Variants in ARHGAP22 observed in about 807,000 individuals in gnomAD.
ARHGAP22 encodes the protein rho GTPase-activating protein 22.
Under a neutral mutation model 59.1 loss-of-function variants are expected in ARHGAP22, and 48 were observed. The ratio of observed to expected loss-of-function variants is 0.81; its 90% confidence interval spans 0.64 to 1.03. The LOEUF is 1.03. ARHGAP22 is among the 50% of genes least tolerant of loss of function. The pLI, the probability that ARHGAP22 is intolerant of heterozygous loss-of-function variation, is 0.00. For synonymous variants in ARHGAP22, 445 were observed against 416.4 expected (o/e 1.07, Z -0.84); for missense variants, 1,015 against 958.7 (o/e 1.06, Z -0.78).
At chr10:48,551,894 G>A (rs1419418529) in intron 3 of ARHGAP22, among the ~76,000 whole-genome samples, 3 of 152,210 alleles carry the variant, frequency 2.0e-5, no homozygotes, top group Admixed American at 2.0e-4. Context: ...CTGTGTTGGA[G>A]GGCAATTTTA....
intron 4 of ARHGAP22, among the ~76,000 whole-genome samples, chr10:48,471,195 A>G (rs912398441): frequency 1.3e-5 from 2 of 152,122 alleles, no homozygotes; most frequent in Non-Finnish European, 2.9e-5. Context: ...GAGGCCTGTG[A>G]GATTCCCACA....
chr10:48,551,594 G>A (rs2056896749), intron 3 of ARHGAP22, among the ~76,000 whole-genome samples: 1 of 152,216 alleles, frequency 6.6e-6, no homozygotes, highest in South Asian at 2.1e-4. Context: ...CAGCTTCAGG[G>A]AGGAGACCGT....
intron 1 of ARHGAP22, among the ~76,000 whole-genome samples, chr10:48,584,420 C>T (rs2059298310): frequency 6.6e-6 from 1 of 152,218 alleles, no homozygotes; most frequent in African/African-American, 2.4e-5. Context: ...AGGACACTTC[C>T]TCCATGGAGG....
At chr10:48,603,704 G>A (rs1238452738) in intron 1 of ARHGAP22, among the ~76,000 whole-genome samples, 1 of 152,184 alleles carries the variant, frequency 6.6e-6, no homozygotes, top group Non-Finnish European at 1.5e-5. Flanking sequence ...GCCCATTGGG[G>A]TACACAGGGT....
chr10:48,453,452 C>T (rs1174447786), intron 7 of ARHGAP22, 27 bp from the exon 8 acceptor site: 50 of 1,612,174 alleles, frequency 3.1e-5, no homozygotes, highest in Non-Finnish European at 3.5e-5. Context: ...CAGCAGTCAT[C>T]AAAGAAGCAA....
At chr10:48,539,567 A>G (rs1308990705) in intron 3 of ARHGAP22, among the ~76,000 whole-genome samples, 1 of 152,100 alleles carries the variant, frequency 6.6e-6, no homozygotes, top group Non-Finnish European at 1.5e-5. Context: ...CTGGGATTAC[A>G]GGCGTGAGCC....
intron 5 of ARHGAP22, among the ~76,000 whole-genome samples, chr10:48,456,304 G>T (rs1312545125): frequency 6.6e-6 from 1 of 152,176 alleles, no homozygotes; most frequent in Non-Finnish European, 1.5e-5. Flanking sequence ...TGACATTTGG[G>T]ATTCTGGGGT....
chr10:48,490,129 C>G (rs1411237823), intron 3 of ARHGAP22, among the ~76,000 whole-genome samples: 1 of 152,164 alleles, frequency 6.6e-6, no homozygotes, highest in East Asian at 1.9e-4. Flanking sequence ...CCCCAACTGT[C>G]AGACTCATGC....
At chr10:48,469,481 C>T (rs776317569) in intron 4 of ARHGAP22, among the ~76,000 whole-genome samples, 5 of 152,252 alleles carry the variant, frequency 3.3e-5, no homozygotes, top group Non-Finnish European at 7.3e-5. Flanking sequence ...TGTACAACAG[C>T]TCCCTGGCTA....
At chr10:48,648,717 A>G (rs2062419483) in intron 1 of ARHGAP22, among the ~76,000 whole-genome samples, 1 of 152,244 alleles carries the variant, frequency 6.6e-6, no homozygotes, top group Non-Finnish European at 1.5e-5. Flanking sequence ...TGGGCAGATC[A>G]TGCAAACATC....
At chr10:48,539,728 T>A (rs1214277878) in intron 3 of ARHGAP22, among the ~76,000 whole-genome samples, 2 of 152,250 alleles carry the variant, frequency 1.3e-5, no homozygotes, top group Non-Finnish European at 2.9e-5. Context: ...ATAGAAAATA[T>A]TGATAATCAG....
intron 3 of ARHGAP22, among the ~76,000 whole-genome samples, chr10:48,502,422 T>C (rs138836498): frequency 6.6e-6 from 1 of 152,316 alleles, no homozygotes; most frequent in African/African-American, 2.4e-5. Context: ...CCATTGAGAA[T>C]CTTACATCAT....
intron 3 of ARHGAP22, among the ~76,000 whole-genome samples, chr10:48,492,425 G>A (rs995043677): frequency 2.6e-5 from 4 of 152,210 alleles, no homozygotes; most frequent in African/African-American, 7.2e-5. Context: ...AGATGCAGCC[G>A]TCTAGAGCAG....
intron 1 of ARHGAP22, among the ~76,000 whole-genome samples, chr10:48,642,819 A>G (rs1424996824): frequency 2.0e-5 from 3 of 152,246 alleles, no homozygotes; most frequent in African/African-American, 4.8e-5. Flanking sequence ...GAATGGGAGA[A>G]AATTTTTACA....
At chr10:48,464,800 T>C (rs1241074134) in intron 4 of ARHGAP22, among the ~76,000 whole-genome samples, 1 of 152,064 alleles carries the variant, frequency 6.6e-6, no homozygotes, top group Non-Finnish European at 1.5e-5. Flanking sequence ...GGATCACACC[T>C]GTCTTTAGGG....
At chr10:48,532,143 C>T (rs575191446) in intron 3 of ARHGAP22, among the ~76,000 whole-genome samples, 1 of 152,188 alleles carries the variant, frequency 6.6e-6, no homozygotes, top group Non-Finnish European at 1.5e-5. Context: ...CAGATCCAAT[C>T]TACAGGTGAG....
intron 5 of ARHGAP22, among the ~76,000 whole-genome samples, chr10:48,456,481 G>T (rs978121017): frequency 6.6e-6 from 1 of 152,178 alleles, no homozygotes; most frequent in Non-Finnish European, 1.5e-5. Flanking sequence ...CCCGGGCCAT[G>T]TTCCTGGCCA....
At chr10:48,596,279 C>G (rs1250950404) in intron 1 of ARHGAP22, among the ~76,000 whole-genome samples, 1 of 152,160 alleles carries the variant, frequency 6.6e-6, no homozygotes, top group Non-Finnish European at 1.5e-5. Context: ...CTCCCGTATG[C>G]CCACCTGTGA....
At chr10:48,612,539 G>T (rs920434270) in intron 1 of ARHGAP22, among the ~76,000 whole-genome samples, 1 of 152,326 alleles carries the variant, frequency 6.6e-6, no homozygotes, top group East Asian at 1.9e-4. Context: ...TCCACAGGTG[G>T]CACTCTGCAG....
Sources: allele counts gnomAD v4.1 joint callset (sites outside exome capture counted in the v4.1 genomes callset), GRCh38; gene constraint gnomAD v4.1.1; transcripts MANE v1.5; gene names NCBI Gene and HGNC (gene_info 2026-07-23, HGNC 2026-07-21).